The following ZNF385B variants were observed in gnomAD, a reference collection of about 807,000 sequenced individuals.
ZNF385B encodes the protein zinc finger protein 533.
In ZNF385B, 23 loss-of-function variants were observed where a neutral mutation model predicts 39.2. That is an observed-to-expected ratio of 0.59 (90% CI 0.42 to 0.83). The LOEUF (loss-of-function observed/expected upper bound fraction) is 0.83, where lower values mean the gene tolerates loss of function less well. Ranked by LOEUF, ZNF385B falls within the 40% of genes least tolerant of loss-of-function variation. The pLI is 0.00. For missense variants in ZNF385B, 552 were observed against 598.9 expected (o/e 0.92, Z 0.82); for synonymous variants, 205 against 222.6 (o/e 0.92, Z 0.70).
rs1559336468 is a variant in ZNF385B, at chr2:179,493,678, TACATATACAC to T, written c.553-10254_553-10245del. On this transcript the variant is annotated intron_variant, in intron 5 of 9. Coordinates refer to ENST00000410066, the MANE Select transcript of ZNF385B (RefSeq NM_152520.6). Reference sequence around the variant, plus strand: ...ACATATATGTATATGCATATGCATATACATATACACATATATACATATATGTATACACATA... The same window carrying T: ...ACATATATGTATATGCATATGCATATATATATACATATATGTATACACATA... 4.5e-5 allele frequency among the ~76,000 whole-genome samples: 5 copies of T among 111,090 alleles called. No homozygotes were observed. The East Asian group carries it at 1.7e-3, about 37-fold the overall frequency. The allele number at this position is 111,090 out of a possible 152,430, so 72.9% of individuals were successfully genotyped here. A position where few individuals can be genotyped will look rare whatever the true frequency, so the allele number is the denominator to read the frequency against.
chr2:179,860,637 G>A (rs1684969784), intron 1 of ZNF385B, among the ~76,000 whole-genome samples: 1 of 152,032 alleles, frequency 6.6e-6, no homozygotes, highest in Non-Finnish European at 1.5e-5. Flanking sequence ...ACGACCCCAA[G>A]CTTCGACCGC....
chr2:179,582,534 C>T (rs774677644), intron 3 of ZNF385B, among the ~76,000 whole-genome samples: 1 of 152,084 alleles, frequency 6.6e-6, no homozygotes, highest in Admixed American at 6.6e-5. Context: ...CTCTCTTCCC[C>T]GGTATTATCC....
At chr2:179,606,528 C>T (rs953783020) in intron 3 of ZNF385B, among the ~76,000 whole-genome samples, 1 of 151,874 alleles carries the variant, frequency 6.6e-6, no homozygotes, top group African/African-American at 2.4e-5. Flanking sequence ...GTTGTGGGTG[C>T]TGTGGAAATT....
At chr2:179,567,337 GA>G (rs1684712262) in intron 3 of ZNF385B, among the ~76,000 whole-genome samples, 1 of 152,130 alleles carries the variant, frequency 6.6e-6, no homozygotes, top group African/African-American at 2.4e-5. Context: ...TCTGTGGGGG[GA>G]AAAACAAACA....
chr2:179,788,546 T>A (rs1705142880), intron 1 of ZNF385B, among the ~76,000 whole-genome samples: 1 of 152,046 alleles, frequency 6.6e-6, no homozygotes, highest in African/African-American at 2.4e-5. Context: ...TGTCAGGAAA[T>A]GAACCTGCAA....
intron 1 of ZNF385B, among the ~76,000 whole-genome samples, chr2:179,772,334 T>C (rs1262474167): frequency 6.6e-6 from 1 of 152,184 alleles, no homozygotes; most frequent in Non-Finnish European, 1.5e-5. Flanking sequence ...TTCTCACAAG[T>C]GGTCTCCCAA....
chr2:179,788,508 T>C (rs529548937), intron 1 of ZNF385B, among the ~76,000 whole-genome samples: 33 of 152,160 alleles, frequency 2.2e-4, no homozygotes, highest in Non-Finnish European at 3.5e-4. Context: ...AGACTAAAAG[T>C]GGGCAGCTTT....
intron 3 of ZNF385B, among the ~76,000 whole-genome samples, chr2:179,713,532 T>C (rs958956238): frequency 2.6e-5 from 4 of 152,194 alleles, no homozygotes; most frequent in Non-Finnish European, 5.9e-5. Flanking sequence ...TGCTATTTAT[T>C]CTAATTTTTC....
chr2:179,697,736 G>A (rs910770955), intron 3 of ZNF385B, among the ~76,000 whole-genome samples: 3 of 152,104 alleles, frequency 2.0e-5, no homozygotes, highest in East Asian at 1.9e-4. Context: ...AAATGGAAAC[G>A]AAATTTGTAA....
chr2:179,474,384 A>T (rs1325071358), intron 6 of ZNF385B, among the ~76,000 whole-genome samples: 1 of 152,180 alleles, frequency 6.6e-6, no homozygotes. Context: ...GGCAAAAATT[A>T]CTATCTTTAC....
intron 3 of ZNF385B, among the ~76,000 whole-genome samples, chr2:179,661,579 C>T (rs1694479207): frequency 6.6e-6 from 1 of 152,154 alleles, no homozygotes; most frequent in East Asian, 1.9e-4. Context: ...TATTACTTGT[C>T]CTGGGACTAC....
intron 4 of ZNF385B, among the ~76,000 whole-genome samples, chr2:179,543,673 T>C (rs1206575669): frequency 4.6e-5 from 7 of 152,162 alleles, no homozygotes; most frequent in Non-Finnish European, 8.8e-5. Flanking sequence ...AACTTTTTTT[T>C]TTTTAACTGT....
At chr2:179,529,777 C>A (rs758848565) in intron 4 of ZNF385B, among the ~76,000 whole-genome samples, 1 of 152,076 alleles carries the variant, frequency 6.6e-6, no homozygotes. Flanking sequence ...TAAACAGCAA[C>A]AACGAATAGC....
At chr2:179,744,298 C>T (rs1482038126) in intron 3 of ZNF385B, among the ~76,000 whole-genome samples, 1 of 148,264 alleles carries the variant, frequency 6.7e-6, no homozygotes, top group Non-Finnish European at 1.5e-5. Flanking sequence ...TAATTAGGTT[C>T]TTCCCATCTC....
At chr2:179,837,394 T>A (rs1263723022) in intron 1 of ZNF385B, among the ~76,000 whole-genome samples, 1 of 152,230 alleles carries the variant, frequency 6.6e-6, no homozygotes, top group Non-Finnish European at 1.5e-5. Flanking sequence ...TCATTTCAGA[T>A]TGAAATTCAC....
chr2:179,753,214 T>C (rs1289442172), intron 3 of ZNF385B, among the ~76,000 whole-genome samples: 1 of 152,252 alleles, frequency 6.6e-6, no homozygotes, highest in Non-Finnish European at 1.5e-5. Flanking sequence ...TTCTTGTTTT[T>C]GTCAGGTTTG....
chr2:179,522,953 G>T (rs1474617238), intron 4 of ZNF385B: 2 of 393,658 alleles, frequency 5.1e-6, no homozygotes, highest in Admixed American at 6.5e-5. Flanking sequence ...CAGTCATCTG[G>T]AATTTTGAGG....
At chr2:179,692,034 T>C (rs1159339557) in intron 3 of ZNF385B, among the ~76,000 whole-genome samples, 1 of 152,148 alleles carries the variant, frequency 6.6e-6, no homozygotes, top group East Asian at 1.9e-4. Flanking sequence ...CTTTTAGTTA[T>C]TTTGAAATAT....
chr2:179,697,247 C>T (rs1698836872), intron 3 of ZNF385B, among the ~76,000 whole-genome samples: 1 of 152,148 alleles, frequency 6.6e-6, no homozygotes, highest in South Asian at 2.1e-4. Flanking sequence ...CCACCCAAAC[C>T]TCCTCTTGAA....
Sources: gnomAD v4.1 joint callset for allele counts (sites outside exome capture counted in the v4.1 genomes callset) on GRCh38, gnomAD v4.1.1 for gene constraint, MANE v1.5 for transcripts, NCBI Gene and HGNC (gene_info 2026-07-23, HGNC 2026-07-21) for gene names.